Variants in PSG7 observed in about 807,000 individuals in gnomAD.
PSG7 encodes pregnancy-specific beta-1-glycoprotein 7.
A neutral mutation model predicts 45.6 loss-of-function variants in PSG7; 57 were observed. The ratio of observed to expected loss-of-function variants is 1.25; its 90% CI spans 1.01 to 1.56. The LOEUF is 1.56. PSG7 is among the 40% of genes most tolerant of loss of function. PSG7 has a pLI of 0.00. For missense variants in PSG7, 796 were observed against 508.4 expected, an observed-to-expected ratio of 1.57 and a Z score of -5.44; for synonymous variants, 298 against 194.4, an observed-to-expected ratio of 1.53 and a Z score of -4.43.
chr19:42,926,566 T>A lies in PSG7; in HGVS notation c.860A>T (p.Lys287Met). The change falls in exon 4 of 6, where the codon AAG becomes ATG. Residue 287 changes from lysine (K) to methionine (M), a missense_variant. By Grantham distance (95) the Lys-to-Met change is moderately conservative (BLOSUM62 -1). Transcript: ENST00000406070. ...GAGGATCCTGTTTTCAATGCGTCGC[T>A]TTACCCTGGGACTGACCGGGAGGCT... The part of the protein sequence containing the change: ...GQSLPVSPRV[K>M]RRIENRILIL... 6.2e-7 allele frequency: 1 copy of A among 1,610,434 alleles called. No individual in the cohort carries two copies. Among genetic ancestry groups the A allele is most frequent in the Non-Finnish European group, 8.5e-7 (1 of 1,179,028 alleles).
intron 2 of PSG7, among the ~76,000 whole-genome samples, chr19:42,933,307 A>ATATATTTTTTTTTT (rs56691588): frequency 7.4e-5 from 1 of 13,506 alleles, no homozygotes; most frequent in African/African-American, 1.7e-4. Flanking sequence ...ATATATATAT[A>ATATATTTTTTTTTT]TTTTTTTTTT....
intron 2 of PSG7, among the ~76,000 whole-genome samples, 166 bp from the exon 3 acceptor site, chr19:42,929,886 C>T (rs928311448): frequency 2.0e-5 from 3 of 151,504 alleles, no homozygotes; most frequent in African/African-American, 7.3e-5. Flanking sequence ...TCTGAGGGCT[C>T]AGAGATTGTG....
chr19:42,930,711 T>A (rs1460536161), intron 2 of PSG7, among the ~76,000 whole-genome samples: 1 of 151,508 alleles, frequency 6.6e-6, no homozygotes, highest in African/African-American at 2.4e-5. Context: ...GTACCTCATA[T>A]CAGTGGATTC....
At chr19:42,926,131 C>A (rs558080459) in intron 4 of PSG7, 104 bp from the exon 5 acceptor site, 28 of 1,510,498 alleles carry the variant, frequency 1.9e-5, no homozygotes, top group Non-Finnish European at 2.3e-5. Context: ...GACACACCCT[C>A]AAGTGACAGC....
At chr19:42,932,440 G>A (rs771323010) in intron 2 of PSG7, among the ~76,000 whole-genome samples, 3 of 151,534 alleles carry the variant, frequency 2.0e-5, no homozygotes, top group Admixed American at 6.6e-5. Flanking sequence ...AAGTCTCTAG[G>A]AAGTGACAAA....
intron 2 of PSG7, among the ~76,000 whole-genome samples, chr19:42,935,133 C>T (rs1973117146): frequency 6.6e-6 from 1 of 151,860 alleles, no homozygotes; most frequent in South Asian, 2.1e-4. Context: ...GCATGAGGTG[C>T]TTGGCTGAGA....
intron 2 of PSG7, among the ~76,000 whole-genome samples, chr19:42,931,229 C>T (rs533442073): frequency 1.3e-5 from 2 of 151,520 alleles, no homozygotes; most frequent in Admixed American, 6.6e-5. Flanking sequence ...ACTGATGGTC[C>T]AAACATCTAA....
In PSG7 at chr19:42,926,625, C is replaced by T. The variant is rs148409438; in HGVS notation, c.801G>A (p.Glu267=). Residue 267 remains glutamate, a synonymous_variant, in exon 4 of 6, where the codon GAG becomes GAA. Transcript: ENST00000406070. Reference sequence around the variant, plus strand: ...TTAGCCACCAAATGTAGGTGTAGTTCTCACTCTTAGGTTCACAGGTGAAGG... The same window carrying T: ...TTAGCCACCAAATGTAGGTGTAGTTTTCACTCTTAGGTTCACAGGTGAAGG... ...VSTFTCEPKS[E]NYTYIWWLNG... is the part of the protein sequence containing the mutation. 4,898 of 1,610,230 alleles carry T rather than the reference C, an allele frequency of 3.0e-3. 261 individuals are homozygous for T. In the African/African-American group the frequency reaches 0.058, roughly 19 times the overall value.
At chr19:42,935,943 A>G (rs548416133) in intron 1 of PSG7, among the ~76,000 whole-genome samples, 174 bp from the exon 2 acceptor site, 1 of 150,236 alleles carries the variant, frequency 6.7e-6, no homozygotes, top group South Asian at 2.2e-4. Context: ...TAAAAGGGGC[A>G]TGTGTGTTTC....
At position 42,925,829 on chromosome 19, in the gene PSG7, A is replaced by G; in HGVS notation, c.1187T>C (p.Val396Ala). The change falls in exon 5 of 6, where the codon GTT becomes GCT. Residue 396 changes from valine to alanine, a missense_variant. Val to Ala is a moderately conservative substitution (Grantham distance 64). Coordinates refer to ENST00000406070, the MANE Select transcript of PSG7 (RefSeq NM_002783.3). Reference sequence around the variant, plus strand: ...TTCCTTGCCAGTGGCTGAGTTACGAACAGAGCAAGCATAGAGCCCGCTATG... The same window carrying G: ...TTCCTTGCCAGTGGCTGAGTTACGAGCAGAGCAAGCATAGAGCCCGCTATG... ...TKHSGLYACSVRNSATGKESS... is the reference protein window; with the variant it reads ...TKHSGLYACSARNSATGKESS... The G allele has an allele frequency of 6.2e-7, 1 of 1,612,030 alleles. No individual in the cohort carries two copies. Among genetic ancestry groups the G allele is most frequent in the Non-Finnish European group, 8.5e-7 (1 of 1,179,036 alleles).
At chr19:42,930,126 T>A (rs546241582) in intron 2 of PSG7, among the ~76,000 whole-genome samples, 3 of 151,760 alleles carry the variant, frequency 2.0e-5, no homozygotes, top group East Asian at 1.9e-4. Flanking sequence ...ATGTTTTCTC[T>A]TCAGCTTCCC....
chr19:42,929,427 A>G lies in PSG7; in HGVS notation c.709+15T>C. On this transcript the variant is annotated intron_variant, in intron 3 of 5. Transcript: ENST00000406070. ...GGATGGCAGCCTGGCTAACAGAGGA[A>G]CAGAAGATACTCACGGAGGAGATTC... 1 of 1,612,216 alleles carries G rather than the reference A, an allele frequency of 6.2e-7. No homozygotes were observed. Among genetic ancestry groups the G allele is most frequent in the Non-Finnish European group, 8.5e-7 (1 of 1,178,988 alleles).
intron 5 of PSG7, chr19:42,925,360 G>C (rs574777390): frequency 2.6e-6 from 1 of 388,964 alleles, no homozygotes; most frequent in Non-Finnish European, 4.5e-6. Flanking sequence ...CAGGTAGAGA[G>C]CAAAAGTAAA....
At chr19:42,924,907 A>T in intron 5 of PSG7, 83 bp from the exon 6 acceptor site, 1 of 760,598 alleles carries the variant, frequency 1.3e-6, no homozygotes. Flanking sequence ...TTTTCCACAT[A>T]ATTTTTCTCT....
At chr19:42,935,985 G>T (rs1973145892) in intron 1 of PSG7, among the ~76,000 whole-genome samples, 1 of 150,764 alleles carries the variant, frequency 6.6e-6, no homozygotes, top group South Asian at 2.1e-4. Context: ...CTAGGTCAAG[G>T]TCAGCAGCAT....
At position 42,926,254 on chromosome 19, in the gene PSG7, C is replaced by T. The variant is rs2122672447; in HGVS notation, c.988+184G>A. Reference sequence around the variant, plus strand: ...CAAGAGCGTCCACTCCCCTTATATTCTTGGTTAAGGCTGTGCCTACCCAGG... The same window carrying T: ...CAAGAGCGTCCACTCCCCTTATATTTTTGGTTAAGGCTGTGCCTACCCAGG... On this transcript the variant is annotated intron_variant, in intron 4 of 5. Transcript: ENST00000406070. 2.1e-6 allele frequency: 3 copies of T among 1,405,936 alleles called. No individual in the cohort carries two copies. In the Middle Eastern group the frequency reaches 7.8e-4, roughly 366 times the overall value. 87.1% of individuals were successfully genotyped at this position (1,405,936 alleles called of 1,614,324 possible). A position where few individuals can be genotyped will look rare whatever the true frequency, so the allele number is the denominator to read the frequency against.
rs892802543 is a variant in PSG7 at position 42,936,146 on chromosome 19, A to C, written c.65-377T>G. 33 of 221,220 alleles carry C rather than the reference A, an allele frequency of 1.5e-4. 3 individuals carry two copies. The highest frequency in any genetic ancestry group is 6.1e-4 in the African/African-American group (27 of 44,094). 13.7% of individuals were successfully genotyped at this position (221,220 alleles called of 1,614,324 possible). On this transcript the variant is annotated intron_variant, in intron 1 of 5. Coordinates refer to ENST00000406070, the MANE Select transcript of PSG7 (RefSeq NM_002783.3). ...TCTTTCCTGACACCTCCTTCAGAGA[A>C]CCTGGGTCTTTCCTTTTTGACCTTT... is the stretch of plus-strand genomic sequence containing the variant.
chr19:42,928,986 C>G lies in PSG7; in HGVS notation c.709+456G>C, dbSNP rs188393846. ...TCTGTGAGGCAGGGGAGCTTGGGGA[C>G]TTCTCTTGTATGGTAATAGGTGTAT... On this transcript the variant is annotated intron_variant, in intron 3 of 5. Transcript: ENST00000406070. 3.2e-3 allele frequency among the ~76,000 whole-genome samples: 486 copies of G among 151,588 alleles called. 16 individuals carry two copies. Among genetic ancestry groups the G allele is most frequent in the South Asian group, 6.5e-3 (31 of 4,762 alleles).
Position 42,936,956 on chromosome 19 carries a change from C to A in PSG7, c.64+57G>T, listed in dbSNP as rs375124155. 4.1e-3 allele frequency: 6,530 copies of A among 1,599,794 alleles called. 179 individuals carry two copies. Among genetic ancestry groups the A allele is most frequent in the South Asian group, 4.2e-3 (380 of 90,476 alleles). On this transcript the variant is annotated intron_variant, in intron 1 of 5. Transcript: ENST00000406070. ...TAGAACCCCATCCTCTCTAGGAGAC[C>A]CCATCCAGTCACTCTGCTTCCTTTT...
Sources: allele counts gnomAD v4.1 joint callset (sites outside exome capture counted in the v4.1 genomes callset), GRCh38; gene constraint gnomAD v4.1.1; transcripts MANE v1.5; gene names NCBI Gene and HGNC (gene_info 2026-07-23, HGNC 2026-07-21).